Variants in USP25 observed in about 807,000 individuals in gnomAD.
USP25 encodes the protein ubiquitin specific peptidase 25.
Under a neutral mutation model 158.5 loss-of-function variants are expected in USP25, and 85 were observed. The ratio of observed to expected loss-of-function variants is 0.54; its 90% CI spans 0.45 to 0.64. The LOEUF is 0.64. USP25 is among the 30% of genes least tolerant of loss of function. The pLI, the probability that USP25 is intolerant of heterozygous loss-of-function variation, is 0.00. For synonymous variants in USP25, 464 were observed against 460.4 expected, an observed-to-expected ratio of 1.01 and a Z score of -0.10; for missense variants, 1,242 against 1,327.3, an observed-to-expected ratio of 0.94 and a Z score of 1.00.
intron 20 of USP25, among the ~76,000 whole-genome samples, chr21:15,862,309 ATTGGAGTATCATGGATTTTGGATT>A (rs1568904688): frequency 6.6e-6 from 1 of 152,130 alleles, no homozygotes; most frequent in Non-Finnish European, 1.5e-5. Context: ...GGAAATGTTC[ATTGGAGTATCATGGATTTTGGATT>A]TTTGGATTCG....
chr21:15,852,696 A>C (rs1233253377), intron 20 of USP25, among the ~76,000 whole-genome samples: 2 of 152,156 alleles, frequency 1.3e-5, no homozygotes, highest in African/African-American at 4.8e-5. Context: ...TGTCAGTACC[A>C]TTTTGGAGTA....
Position 15,879,604 on chromosome 21 carries a change from A to G in USP25, c.*1129A>G, listed in dbSNP as rs1165737505. The G allele has an allele frequency of 1.3e-5, 2 of 152,606 alleles. No individual in the cohort carries two copies. Among genetic ancestry groups the G allele is most frequent in the African/African-American group, 4.8e-5 (2 of 41,460 alleles). The allele number at this position is 152,606 out of a possible 1,614,324, so 9.5% of individuals were successfully genotyped here. On this transcript the variant is annotated 3_prime_UTR_variant, in exon 26 of 26. Transcript: ENST00000400183. Reference sequence around the variant, plus strand: ...GAATTAATATTGTGAATGAAAATCAAAATCCATACTTTAAAGGTAATCATG... The same window carrying G: ...GAATTAATATTGTGAATGAAAATCAGAATCCATACTTTAAAGGTAATCATG...
chr21:15,823,485 A>G (rs1161486235), intron 10 of USP25, among the ~76,000 whole-genome samples: 2 of 152,110 alleles, frequency 1.3e-5, no homozygotes, highest in African/African-American at 4.8e-5. Flanking sequence ...CTAAGTATTA[A>G]CTTTTTGTTA....
At chr21:15,777,868 A>G (rs751930768) in intron 3 of USP25, 36 bp from the exon 4 acceptor site, 2 of 1,554,830 alleles carry the variant, frequency 1.3e-6, no homozygotes, top group East Asian at 4.6e-5. Flanking sequence ...ATTTTGTTTT[A>G]CTTTTAATTT....
chr21:15,837,726 G>A (rs1030036729), intron 17 of USP25, among the ~76,000 whole-genome samples: 1 of 152,280 alleles, frequency 6.6e-6, no homozygotes, highest in Non-Finnish European at 1.5e-5. Context: ...GGAAACACTA[G>A]TGAAGATTGG....
intron 1 of USP25, among the ~76,000 whole-genome samples, chr21:15,748,454 G>GTTTTTTTT (rs71331787): frequency 1.8e-4 from 14 of 79,004 alleles, no homozygotes; most frequent in Admixed American, 5.7e-4. Flanking sequence ...CTACTTTTTA[G>GTTTTTTTT]TTTTTTTTTT....
At chr21:15,770,441 T>C (rs566939153) in intron 3 of USP25, among the ~76,000 whole-genome samples, 1 of 152,306 alleles carries the variant, frequency 6.6e-6, no homozygotes, top group East Asian at 1.9e-4. Flanking sequence ...ATGATAGCCA[T>C]GGTCTTTGTA....
chr21:15,810,315 A>G (rs1048624492), intron 8 of USP25, among the ~76,000 whole-genome samples: 1 of 152,136 alleles, frequency 6.6e-6, no homozygotes, highest in African/African-American at 2.4e-5. Context: ...TTATCAAGAG[A>G]GATGGTATCC....
At chr21:15,847,334 G>A (rs2038669824) in intron 18 of USP25, among the ~76,000 whole-genome samples, 1 of 152,078 alleles carries the variant, frequency 6.6e-6, no homozygotes, top group African/African-American at 2.4e-5. Context: ...TACTTTCAGG[G>A]AAAAATGTAA....
Position 15,877,779 on chromosome 21 carries a change from TCCTGCA to T in USP25, c.3010-16_3010-11del, listed in dbSNP as rs1343411560. The T allele has an allele frequency of 1.9e-6, 3 of 1,554,290 alleles. No individual in the cohort carries two copies. The highest frequency in any genetic ancestry group is 2.1e-5 in the Admixed American group (1 of 47,556). On this transcript the variant is annotated splice_polypyrimidine_tract_variant and intron_variant, in intron 24 of 25. Transcript: ENST00000400183. ...AAACAAAAACCTATTCTTTTTTTTT[TCCTGCA>T]TTGCATTAAGAAATTAAATGAGCAA...
intron 9 of USP25, among the ~76,000 whole-genome samples, chr21:15,815,659 T>C (rs563018751): frequency 2.8e-4 from 43 of 152,296 alleles, no homozygotes; most frequent in African/African-American, 1.0e-3. Flanking sequence ...TGTTTTGGCC[T>C]GTTTCTCCCA....
chr21:15,762,750 C>A (rs1310652704), intron 1 of USP25, 141 bp from the exon 2 acceptor site: 3 of 654,218 alleles, frequency 4.6e-6, no homozygotes, highest in East Asian at 2.8e-5. Context: ...TGGCCTTTCT[C>A]AAGTTCTTTT....
At chr21:15,769,668 C>T (rs2823478) in intron 3 of USP25, among the ~76,000 whole-genome samples, 17,634 of 152,082 alleles carry the variant, frequency 0.12, 1,091 homozygotes, top group African/African-American at 0.17. Flanking sequence ...TTTTGTGTCA[C>T]GGCAAACTCT....
At position 15,878,479 on chromosome 21, in the gene USP25, G is replaced by A. The variant is rs1030005145; in HGVS notation, c.*4G>A. The A allele has an allele frequency of 9.9e-6, 16 of 1,613,682 alleles. No homozygotes were observed. Among genetic ancestry groups the A allele is most frequent in the Non-Finnish European group, 1.4e-5 (16 of 1,179,722 alleles). ...AACTCCTGCTGATGGAAGATAAACT[G>A]CACACTTTCCCTGAACACACTGTAT... On this transcript the variant is annotated 3_prime_UTR_variant, in exon 26 of 26. Transcript: ENST00000400183.
chr21:15,796,565 G>T (rs534718319), intron 5 of USP25, among the ~76,000 whole-genome samples: 6 of 151,446 alleles, frequency 4.0e-5, no homozygotes, highest in Non-Finnish European at 8.9e-5. Context: ...TAGACTGTGA[G>T]TTGGAATTCT....
intron 4 of USP25, among the ~76,000 whole-genome samples, chr21:15,790,174 C>T (rs1162332616): frequency 6.6e-6 from 1 of 151,992 alleles, no homozygotes; most frequent in Non-Finnish European, 1.5e-5. Context: ...TCAAGGAGTT[C>T]TATGTCTTTT....
At chr21:15,874,578 A>T in intron 24 of USP25, 52 bp downstream of exon 24, 3 of 1,519,190 alleles carry the variant, frequency 2.0e-6, no homozygotes, top group South Asian at 1.3e-5. Context: ...ACATTGGGCA[A>T]GTTTTCCAGA....
In USP25 at chr21:15,844,527, G is replaced by A. The variant is rs114354989; in HGVS notation, c.2337+1987G>A. 2.4e-3 allele frequency among the ~76,000 whole-genome samples: 368 copies of A among 152,094 alleles called. 5 individuals carry two copies. The highest frequency in any genetic ancestry group is 8.4e-3 in the African/African-American group (348 of 41,504). ...TCCTTCTGTTACATCAGTCCTAGCC[G>A]CTTTTCAAATATGCAATATATTAAA... On this transcript the variant is annotated intron_variant, in intron 18 of 25. Coordinates refer to ENST00000400183, the MANE Select transcript of USP25 (RefSeq NM_001283041.3).
At chr21:15,804,641 G>A (rs2036289544) in intron 6 of USP25, among the ~76,000 whole-genome samples, 1 of 152,022 alleles carries the variant, frequency 6.6e-6, no homozygotes, top group East Asian at 1.9e-4. Context: ...AGGTATCGTT[G>A]ACTTGAAGGA....
Sources: allele counts gnomAD v4.1 joint callset (sites outside exome capture counted in the v4.1 genomes callset), GRCh38; gene constraint gnomAD v4.1.1; transcripts MANE v1.5; gene names NCBI Gene and HGNC (gene_info 2026-07-23, HGNC 2026-07-21).